Variants in C14orf132 observed in about 807,000 individuals in gnomAD.
The protein encoded by C14orf132 is chromosome 14 open reading frame 132.
Under a neutral mutation model 5.8 loss-of-function variants are expected in C14orf132, and 6 were observed. That is an observed-to-expected ratio of 1.03 (90% CI 0.57 to 2.04). The LOEUF (loss-of-function observed/expected upper bound fraction) is 2.04. Ranked by LOEUF, C14orf132 falls within the 30% of genes most tolerant of loss-of-function variation. The pLI is 0.00. For synonymous variants in C14orf132, 51 were observed against 49.8 expected, an observed-to-expected ratio of 1.02 and a Z score of -0.10; for missense variants, 125 against 115.8, an observed-to-expected ratio of 1.08 and a Z score of -0.37.
chr14:96,091,327 T>G lies in C14orf132; in HGVS notation c.*4592T>G, dbSNP rs992976547. 9 of 325,010 alleles carry G rather than the reference T, an allele frequency of 2.8e-5. No homozygotes were observed. The highest frequency in any genetic ancestry group is 5.4e-5 in the Non-Finnish European group (9 of 167,578). The allele number at this position is 325,010 out of a possible 1,614,324, so 20.1% of individuals were successfully genotyped here. ...GGGCAGGCGGCAGTGCACAGGGATT[T>G]ATCAGTTCCAGAACCTCACAGTGAT... On this transcript the variant is annotated 3_prime_UTR_variant, in exon 2 of 2. Coordinates refer to ENST00000555004, the MANE Select transcript of C14orf132 (RefSeq NM_001252507.3).
intron 1 of C14orf132, among the ~76,000 whole-genome samples, chr14:96,042,478 G>A (rs563189044): frequency 6.6e-6 from 1 of 152,360 alleles, no homozygotes; most frequent in South Asian, 2.1e-4. Flanking sequence ...GATTAACTAA[G>A]TCAGTGAAAC....
chr14:96,070,597 C>CT (rs1887679508), intron 1 of C14orf132, among the ~76,000 whole-genome samples: 2 of 65,044 alleles, frequency 3.1e-5, no homozygotes, highest in South Asian at 1.2e-3. Context: ...CTCTCTCTCT[C>CT]ACACACACAC....
chr14:96,045,680 T>A (rs11847860), intron 1 of C14orf132, among the ~76,000 whole-genome samples: 2 of 152,224 alleles, frequency 1.3e-5, no homozygotes, highest in African/African-American at 2.4e-5. Context: ...TGCACTCTGG[T>A]TGTTTTAATG....
intron 1 of C14orf132, among the ~76,000 whole-genome samples, chr14:96,046,860 C>A (rs1440571151): frequency 1.3e-5 from 2 of 152,232 alleles, no homozygotes; most frequent in Non-Finnish European, 2.9e-5. Context: ...CAAAAGACAT[C>A]TCTTCCTATT....
At chr14:96,046,881 T>C (rs887645163) in intron 1 of C14orf132, among the ~76,000 whole-genome samples, 1 of 152,190 alleles carries the variant, frequency 6.6e-6, no homozygotes, top group African/African-American at 2.4e-5. Flanking sequence ...GGAGAGGTGA[T>C]TTTGTTATCT....
At chr14:96,040,238 A>G (rs1886654405) in intron 1 of C14orf132, 2 of 392,484 alleles carry the variant, frequency 5.1e-6, no homozygotes. Flanking sequence ...AGCTTGGGTG[A>G]TGATTCTATT....
chr14:96,086,671 T>C lies in C14orf132; in HGVS notation c.188T>C (p.Ile63Thr). ...TCCAACGACGCCGTCTTGCTATGGA[T>C]TGCCATCATAGCTACGCTGGGGAAC... ...RSSNDAVLLW[I>T]AIIATLGNIV... is the part of the protein sequence containing the mutation. Residue 63 changes from isoleucine (I) to threonine (T), a missense_variant, in exon 2 of 2, where the codon ATT becomes ACT. Coordinates refer to ENST00000555004, the MANE Select transcript of C14orf132 (RefSeq NM_001252507.3). The C allele has an allele frequency of 1.3e-6, 2 of 1,536,178 alleles. No homozygotes were observed. Among genetic ancestry groups the C allele is most frequent in the Non-Finnish European group, 1.7e-6 (2 of 1,146,914 alleles).
intron 1 of C14orf132, among the ~76,000 whole-genome samples, chr14:96,063,324 T>C (rs1210345848): frequency 6.6e-6 from 1 of 152,202 alleles, no homozygotes; most frequent in Admixed American, 6.5e-5. Context: ...TTGTTTGTTT[T>C]TTGAGACAGA....
chr14:96,081,229 G>C (rs895525980), intron 1 of C14orf132, among the ~76,000 whole-genome samples: 1 of 152,134 alleles, frequency 6.6e-6, no homozygotes, highest in Non-Finnish European at 1.5e-5. Context: ...GAATGCTATC[G>C]GAGTTTATTT....
intron 1 of C14orf132, among the ~76,000 whole-genome samples, chr14:96,065,472 C>T (rs190300442): frequency 6.6e-6 from 1 of 152,096 alleles, no homozygotes; most frequent in East Asian, 1.9e-4. Flanking sequence ...CCCCGGCCGC[C>T]GCTTCACTCC....
chr14:96,054,451 G>T (rs1057486167), intron 1 of C14orf132, among the ~76,000 whole-genome samples: 1 of 152,234 alleles, frequency 6.6e-6, no homozygotes, highest in South Asian at 2.1e-4. Flanking sequence ...TTGAGTTCCC[G>T]GCCTGCCTCC....
chr14:96,084,685 A>G (rs1171941394), intron 1 of C14orf132, among the ~76,000 whole-genome samples: 1 of 152,182 alleles, frequency 6.6e-6, no homozygotes, highest in Non-Finnish European at 1.5e-5. Flanking sequence ...CGAGGGGTGA[A>G]CACAGCATGG....
intron 1 of C14orf132, among the ~76,000 whole-genome samples, chr14:96,082,510 A>C (rs1888056994): frequency 6.6e-6 from 1 of 152,214 alleles, no homozygotes; most frequent in African/African-American, 2.4e-5. Flanking sequence ...ACAAAGAAAA[A>C]AAATATCAAA....
intron 1 of C14orf132, among the ~76,000 whole-genome samples, chr14:96,054,486 G>A (rs1887121476): frequency 6.6e-6 from 1 of 152,180 alleles, no homozygotes; most frequent in African/African-American, 2.4e-5. Context: ...GGGGCTGTTT[G>A]ACTTGGAACA....
rs111841261 is a variant in C14orf132, at chr14:96,062,524, C to T, written c.27+22997C>T. 1.2e-3 allele frequency among the ~76,000 whole-genome samples: 181 copies of T among 152,290 alleles called. 6 individuals carry two copies. Among genetic ancestry groups the T allele is most frequent in the African/African-American group, 3.9e-3 (161 of 41,536 alleles). On this transcript the variant is annotated intron_variant, in intron 1 of 1. Transcript: ENST00000555004. ...GGAGATTGCAGCCCTCCACATGTGTCTTTATGGTAATAATTTGAAACACCA... is the reference window on the plus strand; with the variant it reads ...GGAGATTGCAGCCCTCCACATGTGTTTTTATGGTAATAATTTGAAACACCA...
chr14:96,079,437 T>C (rs1836694155), intron 1 of C14orf132, among the ~76,000 whole-genome samples: 1 of 152,096 alleles, frequency 6.6e-6, no homozygotes, highest in Non-Finnish European at 1.5e-5. Context: ...CATCACCTTT[T>C]TCCTCTCTCT....
chr14:96,079,097 G>A (rs745361745), intron 1 of C14orf132, among the ~76,000 whole-genome samples: 1 of 152,220 alleles, frequency 6.6e-6, no homozygotes, highest in Non-Finnish European at 1.5e-5. Flanking sequence ...GACACCTTGA[G>A]ACAGCAGGTC....
At chr14:96,055,446 G>A (rs1422221490) in intron 1 of C14orf132, among the ~76,000 whole-genome samples, 2 of 152,160 alleles carry the variant, frequency 1.3e-5, no homozygotes, top group African/African-American at 2.4e-5. Flanking sequence ...GTCCAGAACA[G>A]AGACTATCAA....
chr14:96,057,248 C>A (rs1887211971), intron 1 of C14orf132, among the ~76,000 whole-genome samples: 1 of 152,228 alleles, frequency 6.6e-6, no homozygotes, highest in South Asian at 2.1e-4. Context: ...GGTGAATGCA[C>A]TCCTTCTGTC....
Sources: allele counts gnomAD v4.1 joint callset (sites outside exome capture counted in the v4.1 genomes callset), GRCh38; gene constraint gnomAD v4.1.1; transcripts MANE v1.5; gene names NCBI Gene and HGNC (gene_info 2026-07-23, HGNC 2026-07-21).